The following TENM3 variants were observed in gnomAD, a reference collection of about 807,000 sequenced individuals.
TENM3 encodes teneurin transmembrane protein 3.
Under a neutral mutation model 255.1 loss-of-function variants are expected in TENM3, and 63 were observed. The ratio of observed to expected loss-of-function variants is 0.25; its 90% CI spans 0.20 to 0.30. The LOEUF is 0.30. Ranked by LOEUF, TENM3 falls within the 10% of genes least tolerant of loss-of-function variation. The pLI is 1.00. For missense variants in TENM3, 2,929 were observed against 3,461.1 expected (o/e 0.85, Z 3.86); for synonymous variants, 1,306 against 1,322.3 (o/e 0.99, Z 0.27).
At chr4:182,546,430 C>CA (rs1741453324) in intron 3 of TENM3, among the ~76,000 whole-genome samples, 1 of 140,360 alleles carries the variant, frequency 7.1e-6, no homozygotes. Flanking sequence ...AGACATTTAC[C>CA]ATTTTTTTTT....
In TENM3 at chr4:182,801,066, G is replaced by A. The variant is rs758298130; in HGVS notation, c.*715G>A. On this transcript the variant is annotated 3_prime_UTR_variant, in exon 28 of 28. Transcript: ENST00000511685. Reference sequence around the variant, plus strand: ...TACTGTACATCAAATCTTAGTCTCAGAGGAGTTAATTTATGTAAAGTGTTT... The same window carrying A: ...TACTGTACATCAAATCTTAGTCTCAAAGGAGTTAATTTATGTAAAGTGTTT... 1 of 152,606 alleles carries A rather than the reference G, an allele frequency of 6.6e-6. No homozygotes were observed. The highest frequency in any genetic ancestry group is 1.5e-5 in the Non-Finnish European group (1 of 68,028). The allele number at this position is 152,606 out of a possible 1,614,324, so 9.5% of individuals were successfully genotyped here.
At chr4:182,216,644 T>C (rs1166044700) in intron 1 of TENM3, among the ~76,000 whole-genome samples, 1 of 152,218 alleles carries the variant, frequency 6.6e-6, no homozygotes, top group Non-Finnish European at 1.5e-5. Context: ...TCAATAGGAA[T>C]GTTGTTGTAT....
the TENM3 span, among the ~76,000 whole-genome samples, chr4:182,060,949 C>T: frequency 6.6e-6 from 1 of 152,306 alleles, no homozygotes; most frequent in Admixed American, 6.5e-5. Context: ...TGTTAGCTCT[C>T]TATTTGGGGG....
At chr4:182,143,799 C>G (rs1428594104), upstream of TENM3, 1 of 152,516 alleles carries the variant, frequency 6.6e-6, no homozygotes, top group East Asian at 2.0e-4. The surrounding 1 kb of genome is among the most constrained non-coding windows in gnomAD (Gnocchi z 4.3). Context: ...AGCCGAAAGC[C>G]GGCAAGAGCC....
the TENM3 span, among the ~76,000 whole-genome samples, chr4:181,665,103 C>A: frequency 6.6e-6 from 1 of 152,112 alleles, no homozygotes; most frequent in Non-Finnish European, 1.5e-5. Flanking sequence ...ACAATGTCCC[C>A]AAGCTCGCAT....
chr4:182,251,639 G>A (rs111742245), intron 1 of TENM3, among the ~76,000 whole-genome samples: 4 of 152,182 alleles, frequency 2.6e-5, no homozygotes, highest in South Asian at 2.1e-4. Context: ...ATGGTCGATT[G>A]TTTAGTAATC....
chr4:181,706,173 A>G, the TENM3 span, among the ~76,000 whole-genome samples: 1 of 152,028 alleles, frequency 6.6e-6, no homozygotes, highest in Non-Finnish European at 1.5e-5. Context: ...CTGTGTCTGC[A>G]CGTTGTCTTC....
chr4:182,168,291 C>A (rs994667183), intron 1 of TENM3, among the ~76,000 whole-genome samples: 1 of 152,036 alleles, frequency 6.6e-6, no homozygotes, highest in African/African-American at 2.4e-5. Context: ...TGTGCTACCA[C>A]GCCTGGATAA....
the TENM3 span, among the ~76,000 whole-genome samples, chr4:181,645,994 A>C: frequency 0.012 from 1,871 of 152,362 alleles, 19 homozygotes; most frequent in Middle Eastern, 0.02. Flanking sequence ...TTCCATGCAC[A>C]TACCCAACAG....
At chr4:181,888,579 CAT>C in the TENM3 span, among the ~76,000 whole-genome samples, 32 of 28,272 alleles carry the variant, frequency 1.1e-3, no homozygotes, top group African/African-American at 2.6e-3. Context: ...TATATATATA[CAT>C]ATATATATGC....
At chr4:182,581,525 G>T (rs953273740) in intron 3 of TENM3, among the ~76,000 whole-genome samples, 1 of 152,114 alleles carries the variant, frequency 6.6e-6, no homozygotes, top group Admixed American at 6.5e-5. Flanking sequence ...ATCACCTGAG[G>T]TCAGGAGTTC....
chr4:182,513,512 A>C (rs1275417283), intron 3 of TENM3, among the ~76,000 whole-genome samples: 4 of 152,150 alleles, frequency 2.6e-5, no homozygotes, highest in Non-Finnish European at 4.4e-5. Flanking sequence ...AAAAAAAAAA[A>C]ACCTTTGTGT....
chr4:181,594,622 A>G, the TENM3 span, among the ~76,000 whole-genome samples: 1 of 152,148 alleles, frequency 6.6e-6, no homozygotes, highest in Admixed American at 6.6e-5. Context: ...TCTATGCTCT[A>G]TTTAAGCAGC....
the TENM3 span, among the ~76,000 whole-genome samples, chr4:181,503,920 A>C: frequency 6.6e-6 from 1 of 152,174 alleles, no homozygotes; most frequent in African/African-American, 2.4e-5. Context: ...CATGGCTGGA[A>C]GTGTCTCCAA....
intron 3 of TENM3, among the ~76,000 whole-genome samples, chr4:182,380,543 A>G (rs1323219280): frequency 6.6e-6 from 1 of 152,240 alleles, no homozygotes; most frequent in Non-Finnish European, 1.5e-5. Context: ...ATGCACTTAT[A>G]TGTGCCCTGC....
the TENM3 span, among the ~76,000 whole-genome samples, chr4:182,116,525 G>A: frequency 6.6e-6 from 1 of 152,232 alleles, no homozygotes; most frequent in Admixed American, 6.5e-5. Flanking sequence ...ATAAGTGTCT[G>A]GCATTTCCCT....
At chr4:181,905,534 CTTT>C in the TENM3 span, among the ~76,000 whole-genome samples, 7 of 131,940 alleles carry the variant, frequency 5.3e-5, no homozygotes, top group Non-Finnish European at 8.1e-5. Flanking sequence ...ATGAGCTGAG[CTTT>C]TTTTTTTTTT....
the TENM3 span, among the ~76,000 whole-genome samples, chr4:181,714,902 CAA>C: frequency 6.6e-6 from 1 of 152,082 alleles, no homozygotes. Context: ...TTAAAATCTA[CAA>C]AGAGATAAAT....
chr4:181,600,298 C>A, the TENM3 span, among the ~76,000 whole-genome samples: 1 of 152,126 alleles, frequency 6.6e-6, no homozygotes, highest in South Asian at 2.1e-4. Context: ...ACAGACCTAC[C>A]TCTAAAATCT....
Sources: allele counts gnomAD v4.1 joint callset (sites outside exome capture counted in the v4.1 genomes callset), GRCh38; gene constraint gnomAD v4.1.1; non-coding constraint Gnocchi (gnomAD v3.1); transcripts MANE v1.5; gene names NCBI Gene and HGNC (gene_info 2026-07-23, HGNC 2026-07-21).